CNTNAP2: variants seen among roughly 807,000 people sequenced by gnomAD.
CNTNAP2 encodes contactin-associated protein-like 2.
A neutral mutation model predicts 155.2 loss-of-function variants in CNTNAP2; 98 were observed. That is an observed-to-expected ratio of 0.63 (90% CI 0.54 to 0.75). CNTNAP2 has a LOEUF of 0.75. Among genes scored for constraint, CNTNAP2 ranks in the 30% least tolerant of loss-of-function variants. CNTNAP2 has a pLI of 0.00. For missense variants in CNTNAP2, 1,727 were observed against 1,688.1 expected, an observed-to-expected ratio of 1.02 and a Z score of -0.40; for synonymous variants, 651 against 631.2, an observed-to-expected ratio of 1.03 and a Z score of -0.47.
chr7:146,193,852 C>G (rs1353487007), intron 1 of CNTNAP2, among the ~76,000 whole-genome samples: 2 of 152,166 alleles, frequency 1.3e-5, no homozygotes, highest in Non-Finnish European at 2.9e-5. Context: ...CTCTTAATCA[C>G]TTTGCCACCT....
chr7:147,754,796 G>A (rs1380568229), intron 13 of CNTNAP2, among the ~76,000 whole-genome samples: 1 of 152,066 alleles, frequency 6.6e-6, no homozygotes, highest in Non-Finnish European at 1.5e-5. Flanking sequence ...GGAGCAGGGA[G>A]AATAGACAGG....
intron 1 of CNTNAP2, among the ~76,000 whole-genome samples, chr7:146,766,415 A>T (rs889150126): frequency 2.0e-5 from 3 of 152,146 alleles, no homozygotes; most frequent in Non-Finnish European, 4.4e-5. Flanking sequence ...TTAGAATCAA[A>T]ATGAGAGGTG....
chr7:147,542,948 C>T (rs957737559), intron 11 of CNTNAP2, among the ~76,000 whole-genome samples: 1 of 152,076 alleles, frequency 6.6e-6, no homozygotes, highest in Non-Finnish European at 1.5e-5. Context: ...CTAGATTTTC[C>T]TTTGGGGATA....
chr7:146,522,808 T>C (rs1304872665), intron 1 of CNTNAP2, among the ~76,000 whole-genome samples: 1 of 150,448 alleles, frequency 6.6e-6, no homozygotes, highest in Non-Finnish European at 1.5e-5. Flanking sequence ...CTATTATAAT[T>C]ATAATCCCAT....
intron 1 of CNTNAP2, among the ~76,000 whole-genome samples, chr7:146,196,801 G>A (rs1197943144): frequency 6.6e-6 from 1 of 152,096 alleles, no homozygotes; most frequent in Non-Finnish European, 1.5e-5. Context: ...TACACCAAGA[G>A]TTAACAGGAG....
intron 3 of CNTNAP2, among the ~76,000 whole-genome samples, chr7:146,974,592 C>G (rs1381179097): frequency 6.6e-6 from 1 of 152,162 alleles, no homozygotes; most frequent in Non-Finnish European, 1.5e-5. Context: ...GCAAAGTTAT[C>G]TCTCCAAATT....
rs538356759 is a variant in CNTNAP2, at chr7:147,133,906, T to G, written c.1348+1397T>G. Among the ~76,000 whole-genome samples the G allele has an allele frequency of 1.3e-4, 20 of 152,216 alleles. 1 individual carries two copies. In the South Asian group the frequency reaches 3.3e-3, roughly 25 times the overall value. ...TTGAATGTCTAGTCAAAATGATTAA[T>G]CAACCATATTTTATCACTACATTCG... On this transcript the variant is annotated intron_variant, in intron 8 of 23. Transcript: ENST00000361727.
intron 1 of CNTNAP2, among the ~76,000 whole-genome samples, chr7:146,749,497 G>A (rs1282482939): frequency 6.6e-6 from 1 of 152,092 alleles, no homozygotes; most frequent in African/African-American, 2.4e-5. Flanking sequence ...AATCATCAGA[G>A]TCAATGATAT....
chr7:146,556,488 A>G (rs1798200129), intron 1 of CNTNAP2, among the ~76,000 whole-genome samples: 2 of 152,192 alleles, frequency 1.3e-5, no homozygotes, highest in Non-Finnish European at 2.9e-5. Flanking sequence ...TAGGTGCCTA[A>G]TAACTGTTAA....
rs182536021 is a variant in CNTNAP2, at chr7:148,308,104, T to C, written c.3475+40978T>C. On this transcript the variant is annotated intron_variant, in intron 21 of 23. Transcript: ENST00000361727. ...CTAAGAAATTTACAAGTAATTTTTT[T>C]CAAATAGTGAGGTCCCTTAGTATTA... is the stretch of plus-strand genomic sequence containing the variant. Among the ~76,000 whole-genome samples the C allele has an allele frequency of 7.9e-5, 12 of 152,344 alleles. No individual in the cohort carries two copies. In the East Asian group the frequency reaches 2.1e-3, roughly 27 times the overall value.
chr7:147,218,430 C>A (rs1447451982), intron 8 of CNTNAP2, among the ~76,000 whole-genome samples: 1 of 151,412 alleles, frequency 6.6e-6, no homozygotes, highest in African/African-American at 2.4e-5. Flanking sequence ...GTTTAATCTC[C>A]ATGTATTTTA....
intron 13 of CNTNAP2, among the ~76,000 whole-genome samples, chr7:147,738,653 T>TA (rs1796899870): frequency 1.8e-5 from 1 of 56,048 alleles, no homozygotes; most frequent in Non-Finnish European, 3.6e-5. Flanking sequence ...AACATAACTT[T>TA]TTTTTTTTAT....
At chr7:146,389,703 C>CT (rs750823074) in intron 1 of CNTNAP2, among the ~76,000 whole-genome samples, 7,449 of 128,868 alleles carry the variant, frequency 0.058, 262 homozygotes, top group African/African-American at 0.076. Flanking sequence ...TTTCTTTTTT[C>CT]TTTTTTTTTT....
intron 13 of CNTNAP2, among the ~76,000 whole-genome samples, chr7:147,832,252 T>C (rs1485074965): frequency 6.9e-6 from 1 of 144,358 alleles, no homozygotes; most frequent in Non-Finnish European, 1.5e-5. Flanking sequence ...AATTAAATTA[T>C]ACATTTAATT....
intron 15 of CNTNAP2, among the ~76,000 whole-genome samples, chr7:147,988,658 C>A (rs1801661236): frequency 6.6e-6 from 1 of 152,160 alleles, no homozygotes; most frequent in Non-Finnish European, 1.5e-5. Context: ...TCCATGTCCT[C>A]TCTCTGGGTG....
intron 14 of CNTNAP2, among the ~76,000 whole-genome samples, chr7:147,918,658 T>C (rs1437325560): frequency 6.6e-6 from 1 of 152,166 alleles, no homozygotes; most frequent in Non-Finnish European, 1.5e-5. Context: ...AATCAATTAC[T>C]ACCTTTTTTC....
intron 3 of CNTNAP2, among the ~76,000 whole-genome samples, chr7:146,986,064 C>A (rs1209120923): frequency 1.3e-5 from 2 of 151,946 alleles, no homozygotes; most frequent in East Asian, 3.9e-4. Context: ...TGAGTAACTT[C>A]TTTAGTGGTG....
intron 21 of CNTNAP2, among the ~76,000 whole-genome samples, chr7:148,281,934 C>G (rs2116462542): frequency 6.8e-6 from 1 of 146,268 alleles, no homozygotes; most frequent in Non-Finnish European, 1.5e-5. Context: ...CTCCCGGGTT[C>G]AAGCAATTCT....
intron 3 of CNTNAP2, among the ~76,000 whole-genome samples, chr7:147,005,060 T>C (rs934646356): frequency 6.6e-6 from 1 of 152,080 alleles, no homozygotes; most frequent in Non-Finnish European, 1.5e-5. Context: ...TATTGGTCTC[T>C]CCGGAGGCAG....
Sources: gnomAD v4.1 joint callset for allele counts (sites outside exome capture counted in the v4.1 genomes callset) on GRCh38, gnomAD v4.1.1 for gene constraint, MANE v1.5 for transcripts, NCBI Gene and HGNC (gene_info 2026-07-23, HGNC 2026-07-21) for gene names.